The following UBAC2 variants were observed in gnomAD, a reference collection of about 807,000 sequenced individuals.
The protein encoded by UBAC2 is ubiquitin-associated domain-containing protein 2.
UBAC2 carries 26 observed loss-of-function variants against 44.0 expected under a neutral mutation model. The observed-to-expected ratio is 0.59, with a 90% confidence interval of 0.43 to 0.82. UBAC2 has a LOEUF of 0.82. Ranked by LOEUF, UBAC2 falls within the 40% of genes least tolerant of loss-of-function variation. The pLI is 0.00. For missense variants in UBAC2, 329 were observed against 419.4 expected (o/e 0.78, Z 1.88); for synonymous variants, 155 against 154.3 (o/e 1.00, Z -0.04).
chr13:99,293,201 G>A (rs1044760802), intron 4 of UBAC2, among the ~76,000 whole-genome samples: 30 of 152,200 alleles, frequency 2.0e-4, no homozygotes, highest in African/African-American at 7.2e-4. Flanking sequence ...GTATAGTGGA[G>A]GGAGGAGGCA....
At chr13:99,209,673 A>G (rs1401840337) in intron 1 of UBAC2, among the ~76,000 whole-genome samples, 1 of 151,818 alleles carries the variant, frequency 6.6e-6, no homozygotes, top group Non-Finnish European at 1.5e-5. Context: ...CAAGGAATAT[A>G]CTCTTCATAA....
At chr13:99,209,824 T>G (rs987631589) in intron 1 of UBAC2, among the ~76,000 whole-genome samples, 3 of 151,888 alleles carry the variant, frequency 2.0e-5, no homozygotes, top group Non-Finnish European at 2.9e-5. Context: ...AAATACAAAA[T>G]TAACTGGGCG....
intron 4 of UBAC2, among the ~76,000 whole-genome samples, chr13:99,283,713 CTTTTTTTTTTTTTTTTTTTTTTTTT>C (rs71118470): frequency 4.8e-5 from 3 of 62,564 alleles, no homozygotes; most frequent in Non-Finnish European, 8.8e-5. Flanking sequence ...TTAATGCCAC[CTTTTTTTTTTTTTTTTTTTTTTTTT>C]TTTTTTTTTT....
At chr13:99,241,726 CTT>C (rs34012077) in intron 2 of UBAC2, among the ~76,000 whole-genome samples, 6 of 140,560 alleles carry the variant, frequency 4.3e-5, no homozygotes, top group South Asian at 2.2e-4. Flanking sequence ...AAAATTTTAA[CTT>C]TTTTTTTTTT....
rs112722541 is a variant in UBAC2 at position 99,343,256 on chromosome 13, A to C, written c.807+2691A>C. ...CCTACAGACAGGCACTTCATGGTGC[A>C]GCAGCAGTTTATGCAAGTGGGATTC... On this transcript the variant is annotated intron_variant, in intron 7 of 8. Coordinates refer to ENST00000403766, the MANE Select transcript of UBAC2 (RefSeq NM_001144072.2). Among the ~76,000 whole-genome samples, 1,244 of 152,250 alleles carry C rather than the reference A, an allele frequency of 8.2e-3. 11 individuals are homozygous for C. The highest frequency in any genetic ancestry group is 0.056 in the South Asian group (271 of 4,820).
At position 99,367,866 on chromosome 13, in the gene UBAC2, C is replaced by T; in HGVS notation, c.887C>T (p.Ser296Phe). Residue 296 changes from serine (S) to phenylalanine (F), a missense_variant, in exon 8 of 9, where the codon TCT becomes TTT. By Grantham distance (155) the Ser-to-Phe change is radical (BLOSUM62 -2). Coordinates refer to ENST00000403766, the MANE Select transcript of UBAC2 (RefSeq NM_001144072.2). Reference sequence around the variant, plus strand: ...GTAAACTATCAGGGCGGTCGGCAGTCTGAGCCAGCAGCGCCCCCTCTAGAA... The same window carrying T: ...GTAAACTATCAGGGCGGTCGGCAGTTTGAGCCAGCAGCGCCCCCTCTAGAA... ...QNVNYQGGRQ[S>F]EPAAPPLEVS... The T allele has an allele frequency of 6.2e-7, 1 of 1,613,966 alleles. No individual in the cohort carries two copies. The highest frequency in any genetic ancestry group is 8.5e-7 in the Non-Finnish European group (1 of 1,179,862).
chr13:99,355,774 C>G (rs1264994523), intron 7 of UBAC2, among the ~76,000 whole-genome samples: 2 of 152,218 alleles, frequency 1.3e-5, no homozygotes, highest in Non-Finnish European at 2.9e-5. Flanking sequence ...CACAAGCCCC[C>G]CCGCAGCTGC....
chr13:99,345,034 G>T (rs1279179306), intron 7 of UBAC2, among the ~76,000 whole-genome samples: 1 of 152,154 alleles, frequency 6.6e-6, no homozygotes, highest in Non-Finnish European at 1.5e-5. Flanking sequence ...TGCCAAAAAA[G>T]ATTTCAGGAA....
chr13:99,239,962 A>T (rs1477006638), intron 2 of UBAC2, among the ~76,000 whole-genome samples: 4 of 152,182 alleles, frequency 2.6e-5, no homozygotes, highest in African/African-American at 7.2e-5. Flanking sequence ...GTCCAAAAAG[A>T]AGGGATGACT....
chr13:99,215,077 A>G (rs923584232), intron 1 of UBAC2, among the ~76,000 whole-genome samples: 5 of 152,010 alleles, frequency 3.3e-5, no homozygotes, highest in Non-Finnish European at 5.9e-5. Flanking sequence ...GTTTGTTACT[A>G]TAACTTCTGC....
At chr13:99,323,339 G>A (rs1008752080) in intron 6 of UBAC2, among the ~76,000 whole-genome samples, 20 of 152,178 alleles carry the variant, frequency 1.3e-4, no homozygotes, top group Admixed American at 7.9e-4. Context: ...AGTGGCTCAT[G>A]CCTGGAATCC....
intron 6 of UBAC2, among the ~76,000 whole-genome samples, chr13:99,319,713 C>T (rs1000429131): frequency 6.6e-6 from 1 of 152,168 alleles, no homozygotes; most frequent in Non-Finnish European, 1.5e-5. Flanking sequence ...CTAAGCTATC[C>T]GTCTGGTATT....
intron 4 of UBAC2, among the ~76,000 whole-genome samples, chr13:99,254,394 TG>T (rs1470811087): frequency 6.6e-6 from 1 of 152,198 alleles, no homozygotes; most frequent in Non-Finnish European, 1.5e-5. Context: ...ACAGGCCCCT[TG>T]GGTTCTTGTT....
rs753781033 is a variant in UBAC2 at position 99,367,797 on chromosome 13, T to C, written c.818T>C (p.Ile273Thr). Residue 273 changes from isoleucine to threonine, a missense_variant, in exon 8 of 9, where the codon ATC becomes ACC. Coordinates refer to ENST00000403766, the MANE Select transcript of UBAC2 (RefSeq NM_001144072.2). ...TTGATCTCTTTTTAGGGAGGAATGA[T>C]CAATTGGAATCGTCTTTTTCCTCCT... ...RRQRQQQGGM[I>T]NWNRLFPPLR... 6.2e-7 allele frequency: 1 copy of C among 1,613,852 alleles called. No homozygotes were observed. The highest frequency in any genetic ancestry group is 1.7e-5 in the Admixed American group (1 of 60,010).
intron 4 of UBAC2, among the ~76,000 whole-genome samples, chr13:99,254,110 T>C (rs1373908206): frequency 6.6e-6 from 1 of 152,174 alleles, no homozygotes; most frequent in Non-Finnish European, 1.5e-5. Context: ...GGAAAAAAAA[T>C]CAATTAACTT....
chr13:99,367,543 A>G (rs1487159546), intron 7 of UBAC2, among the ~76,000 whole-genome samples: 1 of 152,196 alleles, frequency 6.6e-6, no homozygotes, highest in Non-Finnish European at 1.5e-5. Flanking sequence ...CACAGTGCAC[A>G]AAGAGCTTTT....
At chr13:99,297,009 A>G (rs1205692739) in intron 4 of UBAC2, among the ~76,000 whole-genome samples, 1 of 152,172 alleles carries the variant, frequency 6.6e-6, no homozygotes, top group East Asian at 1.9e-4. Flanking sequence ...AGTGCAATGT[A>G]TATATTTGTC....
In UBAC2 at chr13:99,296,087, T is replaced by G. The variant is rs755032788; in HGVS notation, c.390-18010T>G. The G allele has an allele frequency of 1.2e-5, 19 of 1,613,434 alleles. 1 individual carries two copies. The South Asian group carries it at 1.9e-4, about 16-fold the overall frequency. On this transcript the variant is annotated intron_variant, in intron 4 of 8. Coordinates refer to ENST00000403766, the MANE Select transcript of UBAC2 (RefSeq NM_001144072.2). Reference sequence around the variant, plus strand: ...GCTGTGATGTGCATAGAGGTCACAGTCATTTCCCTGAGGAGTTGCAGAGGG... The same window carrying G: ...GCTGTGATGTGCATAGAGGTCACAGGCATTTCCCTGAGGAGTTGCAGAGGG...
At chr13:99,309,250 A>G (rs2044380314) in intron 4 of UBAC2, among the ~76,000 whole-genome samples, 1 of 152,058 alleles carries the variant, frequency 6.6e-6, no homozygotes, top group Non-Finnish European at 1.5e-5. Flanking sequence ...AGCTGGGACT[A>G]CAGGCATATG....
Sources: allele counts gnomAD v4.1 joint callset (sites outside exome capture counted in the v4.1 genomes callset), GRCh38; gene constraint gnomAD v4.1.1; transcripts MANE v1.5; gene names NCBI Gene and HGNC (gene_info 2026-07-23, HGNC 2026-07-21).